Variants in ZBTB49 observed in about 807,000 individuals in gnomAD.
The protein encoded by ZBTB49 is zinc finger and BTB domain containing 49, also known as zinc finger and BTB domain-containing protein 49.
In ZBTB49, 43 loss-of-function variants were observed where a neutral mutation model predicts 57.5. The ratio of observed to expected loss-of-function variants is 0.75; its 90% CI spans 0.59 to 0.97. The LOEUF is 0.97. Ranked by LOEUF, ZBTB49 falls within the 50% of genes least tolerant of loss-of-function variation. The pLI is 0.00. For synonymous variants in ZBTB49, 369 were observed against 362.1 expected, an observed-to-expected ratio of 1.02 and a Z score of -0.22; for missense variants, 938 against 947.7, an observed-to-expected ratio of 0.99 and a Z score of 0.13.
intron 1 of ZBTB49, among the ~76,000 whole-genome samples, chr4:4,295,381 TGG>T (rs1303152759): frequency 1.3e-5 from 2 of 152,074 alleles, no homozygotes; most frequent in African/African-American, 2.4e-5. Flanking sequence ...AAGAACAGCA[TGG>T]GGGAAACTGC....
intron 3 of ZBTB49, among the ~76,000 whole-genome samples, chr4:4,304,065 C>G (rs939253110): frequency 6.6e-6 from 1 of 151,958 alleles, no homozygotes; most frequent in Non-Finnish European, 1.5e-5. Context: ...TGTGAAGGCC[C>G]TTTATACATT....
chr4:4,291,541 GGAAATA>G (rs1174985505), intron 1 of ZBTB49, among the ~76,000 whole-genome samples: 1 of 152,180 alleles, frequency 6.6e-6, no homozygotes, highest in Non-Finnish European at 1.5e-5. Context: ...GGACAAGGAG[GGAAATA>G]CTTTCCAACA....
chr4:4,294,612 C>T (rs948350965), intron 1 of ZBTB49, among the ~76,000 whole-genome samples: 4 of 152,134 alleles, frequency 2.6e-5, no homozygotes, highest in Non-Finnish European at 5.9e-5. Context: ...GCCTCGGCCT[C>T]CCAAAGTGGT....
At position 4,299,810 on chromosome 4, in the gene ZBTB49, T is replaced by TGTGTGTGAGA. The variant is rs71169632; in HGVS notation, c.-19-116_-19-115insTGTGTGAGAG. 32 of 607,784 alleles carry TGTGTGTGAGA rather than the reference T, an allele frequency of 5.3e-5. No individual in the cohort carries two copies. The African/African-American group carries it at 5.7e-4, about 11-fold the overall frequency. 37.6% of individuals were successfully genotyped at this position (607,784 alleles called of 1,614,324 possible). A position where few individuals can be genotyped will look rare whatever the true frequency, so the allele number is the denominator to read the frequency against. On this transcript the variant is annotated intron_variant, in intron 1 of 7. Transcript: ENST00000337872. Reference sequence around the variant, plus strand: ...GTGTGTGTGTGTGTGTGTGTGTGTGTGAGAGAGAAACTGTGATGAGAGAGT... The same window carrying TGTGTGTGAGA: ...GTGTGTGTGTGTGTGTGTGTGTGTGTGTGTGTGAGAGAGAGAGAAACTGTGATGAGAGAGT...
At chr4:4,299,008 C>G (rs1461394767) in intron 1 of ZBTB49, among the ~76,000 whole-genome samples, 1 of 152,226 alleles carries the variant, frequency 6.6e-6, no homozygotes, top group Non-Finnish European at 1.5e-5. Context: ...ACACAGTAGT[C>G]AGTTGGAGAA....
chr4:4,316,902 G>T (rs1721215324), intron 7 of ZBTB49, among the ~76,000 whole-genome samples: 1 of 152,202 alleles, frequency 6.6e-6, no homozygotes, highest in Non-Finnish European at 1.5e-5. Context: ...GCCTACTGTG[G>T]TGGCGTTCGC....
chr4:4,311,739 G>A (rs1720988295), intron 4 of ZBTB49, among the ~76,000 whole-genome samples: 2 of 152,136 alleles, frequency 1.3e-5, no homozygotes, highest in South Asian at 4.1e-4. Context: ...TTGTTTTATT[G>A]TTATTAGGAG....
rs1273688613 is a variant in ZBTB49 at position 4,302,598 on chromosome 4, C to A, written c.762C>A (p.Ser254Arg). ...CTACAGACCTTACCACGGTAGAGAG[C>A]CAGCCTTGTGCCGTCAGTCATTCTG... Reference protein sequence around the residue: ...STSTDLTTVESQPCAVSHSEC... With the variant: ...STSTDLTTVERQPCAVSHSEC... Residue 254 changes from serine (S) to arginine (R), a missense_variant, in exon 3 of 8, where the codon AGC becomes AGA. Transcript: ENST00000337872. 6.2e-7 allele frequency: 1 copy of A among 1,613,676 alleles called. No homozygotes were observed. Among genetic ancestry groups the A allele is most frequent in the East Asian group, 2.2e-5 (1 of 44,888 alleles).
At chr4:4,312,050 A>G (rs1349795323) in intron 4 of ZBTB49, among the ~76,000 whole-genome samples, 1 of 152,230 alleles carries the variant, frequency 6.6e-6, no homozygotes, top group Non-Finnish European at 1.5e-5. Context: ...TGCAAATTAA[A>G]AAAAGCCCCG....
intron 7 of ZBTB49, among the ~76,000 whole-genome samples, chr4:4,316,469 C>A (rs1470152507): frequency 6.6e-6 from 1 of 152,186 alleles, no homozygotes; most frequent in Non-Finnish European, 1.5e-5. Flanking sequence ...CCGATGAGGA[C>A]ACGGAGGCTC....
Position 4,315,808 on chromosome 4 carries a change from G to C in ZBTB49, c.1460-1G>C. 2 of 1,614,164 alleles carry C rather than the reference G, an allele frequency of 1.2e-6. No individual in the cohort carries two copies. The highest frequency in any genetic ancestry group is 8.5e-7 in the Non-Finnish European group (1 of 1,180,020). ...CTTAACACCTGTTATGGTCTCTCTA[G>C]GGTTTAGTAACTTCAGTAATTTGAA... is the stretch of plus-strand genomic sequence containing the variant. On this transcript the variant is annotated splice_acceptor_variant, in intron 6 of 7. Coordinates refer to ENST00000337872, the MANE Select transcript of ZBTB49 (RefSeq NM_145291.4). LOFTEE classifies it high-confidence loss of function.
chr4:4,294,396 G>T (rs968828312), intron 1 of ZBTB49, among the ~76,000 whole-genome samples: 18 of 152,138 alleles, frequency 1.2e-4, no homozygotes, highest in African/African-American at 4.1e-4. Context: ...TCGTTCTGTT[G>T]CCCAGGCTGG....
At position 4,320,866 on chromosome 4, in the gene ZBTB49, T is replaced by C. The variant is rs201689046; in HGVS notation, c.1848T>C (p.Ser616=). The C allele has an allele frequency of 8.7e-6, 14 of 1,614,192 alleles. No homozygotes were observed. The highest frequency in any genetic ancestry group is 4.0e-5 in the African/African-American group (3 of 75,046). ...SDLEKSQSSD[S]FSQDTSVTLM... ...TCGAGAAATCTCAGAGCTCAGACTCTTTCTCCCAAGACACGTCTGTGACGC... is the reference window on the plus strand; with the variant it reads ...TCGAGAAATCTCAGAGCTCAGACTCCTTCTCCCAAGACACGTCTGTGACGC... The change falls in exon 8 of 8, where the codon TCT becomes TCC. Residue 616 remains serine, a synonymous_variant. Transcript: ENST00000337872.
intron 3 of ZBTB49, among the ~76,000 whole-genome samples, chr4:4,304,068 T>C (rs1363633173): frequency 6.6e-6 from 1 of 152,162 alleles, no homozygotes; most frequent in Non-Finnish European, 1.5e-5. Flanking sequence ...GAAGGCCCTT[T>C]ATACATTTTA....
Position 4,302,107 on chromosome 4 carries a change from C to T in ZBTB49, c.271C>T (p.Gln91Ter). ...FMYTSHLDLN[Q>*]DNIQVMLDTA... Reference sequence around the variant, plus strand: ...GTACACTTCTCATCTAGATCTTAACCAGGACAATATACAAGTAATGCTGGA... The same window carrying T: ...GTACACTTCTCATCTAGATCTTAACTAGGACAATATACAAGTAATGCTGGA... Residue 91 changes from glutamine to a stop codon, truncating the protein, a stop_gained, in exon 3 of 8, where the codon CAG becomes TAG. Transcript: ENST00000337872. LOFTEE classifies it high-confidence loss of function. The T allele has an allele frequency of 6.2e-7, 1 of 1,614,184 alleles. No individual in the cohort carries two copies. The highest frequency in any genetic ancestry group is 8.5e-7 in the Non-Finnish European group (1 of 1,180,018).
At chr4:4,317,986 C>G (rs1012677288) in intron 7 of ZBTB49, among the ~76,000 whole-genome samples, 13 of 152,194 alleles carry the variant, frequency 8.5e-5, no homozygotes, top group Non-Finnish European at 1.6e-4. Context: ...GAGAGCAGCT[C>G]CAGCATGCCT....
rs139786627 is a variant in ZBTB49 at position 4,321,097 on chromosome 4, G to A, written c.2079G>A (p.Ser693=). 6.7e-5 allele frequency: 108 copies of A among 1,614,024 alleles called. No homozygotes were observed. Among genetic ancestry groups the A allele is most frequent in the Middle Eastern group, 1.6e-4 (1 of 6,084 alleles). ...CACAGCCTCAGGCCTATGCTTACTC[G>A]GATGTGGACACCCCAGCCGGTGGCG... ...QQTQPQAYAY[S]DVDTPAGGEP... The change falls in exon 8 of 8, where the codon TCG becomes TCA. Residue 693 remains serine (S), a synonymous_variant. Coordinates refer to ENST00000337872, the MANE Select transcript of ZBTB49 (RefSeq NM_145291.4).
At position 4,302,698 on chromosome 4, in the gene ZBTB49, CCT is replaced by C; in HGVS notation, c.863_864del (p.Pro288ArgfsTer38). 6.2e-7 allele frequency: 1 copy of C among 1,612,868 alleles called. No homozygotes were observed. Among genetic ancestry groups the C allele is most frequent in the Non-Finnish European group, 8.5e-7 (1 of 1,179,402 alleles). ...AQPVNDSAPHPESDATCQQPV... is the reference protein window; with the variant it reads ...AQPVNDSAPHXESDATCQQPV... ...GCCTGTGAATGACTCTGCCCCACAC[CCT>C]GAGTCAGACGCCACATGCCAACAAC... On this transcript the variant is annotated frameshift_variant, in exon 3 of 8. Coordinates refer to ENST00000337872, the MANE Select transcript of ZBTB49 (RefSeq NM_145291.4). LOFTEE classifies it high-confidence loss of function.
rs1408337474 is a variant in ZBTB49, at chr4:4,292,626, C to T, written c.-20+2274C>T. 2.6e-5 allele frequency among the ~76,000 whole-genome samples: 4 copies of T among 152,152 alleles called. No individual in the cohort carries two copies. The East Asian group carries it at 7.7e-4, about 29-fold the overall frequency. On this transcript the variant is annotated intron_variant, in intron 1 of 7. Coordinates refer to ENST00000337872, the MANE Select transcript of ZBTB49 (RefSeq NM_145291.4). ...AAGATTCCAGGTTTGTTGCTTCAAG[C>T]CAGTGCTTTTATGAGTAGGGTGGAG...
Sources: gnomAD v4.1 joint callset for allele counts (sites outside exome capture counted in the v4.1 genomes callset) on GRCh38, gnomAD v4.1.1 for gene constraint, MANE v1.5 for transcripts, NCBI Gene and HGNC (gene_info 2026-07-23, HGNC 2026-07-21) for gene names.